The following ADCY2 variants were observed in gnomAD, a reference collection of about 807,000 sequenced individuals.
ADCY2 encodes adenylate cyclase 2.
A neutral mutation model predicts 125.2 loss-of-function variants in ADCY2; 31 were observed. The ratio of observed to expected loss-of-function variants is 0.25; its 90% confidence interval spans 0.19 to 0.33. The LOEUF (loss-of-function observed/expected upper bound fraction) is 0.33, where lower values mean the gene tolerates loss of function less well. Ranked by LOEUF, ADCY2 falls within the 10% of genes least tolerant of loss-of-function variation. ADCY2 has a pLI of 1.00. For missense variants in ADCY2, 904 were observed against 1,418.2 expected, an observed-to-expected ratio of 0.64 and a Z score of 5.82; for synonymous variants, 512 against 548.4, an observed-to-expected ratio of 0.93 and a Z score of 0.93.
chr5:7,429,038 G>C (rs1740494544), intron 2 of ADCY2, among the ~76,000 whole-genome samples: 2 of 151,530 alleles, frequency 1.3e-5, no homozygotes, highest in South Asian at 4.2e-4. Flanking sequence ...GAGAGAGAGA[G>C]CTCTAGTGAT....
In ADCY2 at chr5:7,784,606, G is replaced by A. The variant is rs1187032702; in HGVS notation, c.2469+157G>A. Among the ~76,000 whole-genome samples, 4 of 152,122 alleles carry A rather than the reference G, an allele frequency of 2.6e-5. No individual in the cohort carries two copies. In the East Asian group the frequency reaches 7.7e-4, roughly 29 times the overall value. ...ATAAAACTAGTTAGTACAGGGTGTG[G>A]ATGCTTCGATATAGACAAAAGGAAA... is the stretch of plus-strand genomic sequence containing the variant. On this transcript the variant is annotated intron_variant, in intron 19 of 24. Coordinates refer to ENST00000338316, the MANE Select transcript of ADCY2 (RefSeq NM_020546.3).
chr5:7,818,895 G>T (rs1021976889), intron 23 of ADCY2, among the ~76,000 whole-genome samples: 5 of 152,010 alleles, frequency 3.3e-5, no homozygotes, highest in African/African-American at 1.2e-4. Flanking sequence ...TGGAGGGACA[G>T]AAATAATAGG....
chr5:7,810,735 T>C (rs573060859), intron 22 of ADCY2, among the ~76,000 whole-genome samples: 1 of 152,234 alleles, frequency 6.6e-6, no homozygotes, highest in African/African-American at 2.4e-5. Flanking sequence ...AGCTGGAGCA[T>C]AGAAGCAACT....
chr5:7,701,662 C>A (rs2126337735), intron 7 of ADCY2, among the ~76,000 whole-genome samples: 1 of 152,268 alleles, frequency 6.6e-6, no homozygotes. Flanking sequence ...TTACCCCTTC[C>A]CCAGCTCCTG....
intron 1 of ADCY2, among the ~76,000 whole-genome samples, chr5:7,397,497 T>C (rs1739103869): frequency 6.9e-6 from 1 of 145,524 alleles, no homozygotes; most frequent in Non-Finnish European, 1.5e-5. Context: ...TCTGTGAATG[T>C]GTCCACTGGG....
At chr5:7,419,662 A>G (rs1740115187) in intron 2 of ADCY2, among the ~76,000 whole-genome samples, 1 of 152,148 alleles carries the variant, frequency 6.6e-6, no homozygotes, top group Non-Finnish European at 1.5e-5. Flanking sequence ...CTGGGGTCTA[A>G]GCCCCCAGAT....
chr5:7,630,607 G>A (rs1332174027), intron 4 of ADCY2, among the ~76,000 whole-genome samples: 1 of 152,046 alleles, frequency 6.6e-6, no homozygotes, highest in Non-Finnish European at 1.5e-5. Context: ...CTGAGCTAAA[G>A]TCAAGATATT....
rs147972327 is a variant in ADCY2, at chr5:7,826,859, C to A, written c.3264C>A (p.Asn1088Lys). Residue 1088 changes from asparagine (N) to lysine (K), a missense_variant, in exon 25 of 25, where the codon AAC (asparagine) becomes AAA (lysine). Physicochemically the swap from Asn to Lys is moderately conservative, Grantham distance 94. This residue lies in a region of ADCY2 where 181 missense variants were observed against 381.6 expected (regional missense o/e 0.47). Coordinates refer to ENST00000338316, the MANE Select transcript of ADCY2 (RefSeq NM_020546.3). ...TEMSRSLSQS[N>K]VAS is the part of the protein sequence containing the mutation. ...TGTCAAGGTCCCTTTCCCAGAGCAA[C>A]GTGGCATCCTGAAGAGTCACCTTCA... The A allele has an allele frequency of 6.2e-7, 1 of 1,608,656 alleles. No homozygotes were observed. Among genetic ancestry groups the A allele is most frequent in the African/African-American group, 1.3e-5 (1 of 74,816 alleles).
At chr5:7,437,410 C>T (rs1298879349) in intron 2 of ADCY2, among the ~76,000 whole-genome samples, 2 of 152,182 alleles carry the variant, frequency 1.3e-5, no homozygotes, top group Non-Finnish European at 2.9e-5. Flanking sequence ...GTGAGGAGTT[C>T]GGAGTGGAAG....
At chr5:7,795,760 T>C (rs1402164403) in intron 20 of ADCY2, 1 of 152,168 alleles carries the variant, frequency 6.6e-6, no homozygotes, top group Admixed American at 6.5e-5. Flanking sequence ...TGCAATAAAG[T>C]GAATATCACT....
rs778663075 is a variant in ADCY2, at chr5:7,626,324, A to G, written c.720+8A>G. The G allele has an allele frequency of 1.2e-6, 2 of 1,613,160 alleles. No individual in the cohort carries two copies. Among genetic ancestry groups the G allele is most frequent in the Admixed American group, 1.7e-5 (1 of 59,892 alleles). On this transcript the variant is annotated splice_region_variant and intron_variant, in intron 4 of 24. Coordinates refer to ENST00000338316, the MANE Select transcript of ADCY2 (RefSeq NM_020546.3). ...TTTGAAAAACGTCAACAGGTAATGG[A>G]TGTTTCATCTTACATCCACATTATT...
chr5:7,630,139 G>A (rs563364097), intron 4 of ADCY2, among the ~76,000 whole-genome samples: 32 of 152,198 alleles, frequency 2.1e-4, no homozygotes, highest in Admixed American at 6.5e-4. Context: ...TGGGGATTCT[G>A]GCTTTCTGGC....
chr5:7,713,649 G>A (rs1321085195), intron 11 of ADCY2, among the ~76,000 whole-genome samples: 1 of 152,166 alleles, frequency 6.6e-6, no homozygotes, highest in Non-Finnish European at 1.5e-5. Flanking sequence ...CACACGCCCT[G>A]TCGCAGCCAC....
chr5:7,408,000 C>T lies in ADCY2; in HGVS notation c.211-6573C>T, dbSNP rs530337759. 1.5e-4 allele frequency among the ~76,000 whole-genome samples: 22 copies of T among 151,546 alleles called. 1 individual carries two copies. The South Asian group carries it at 4.2e-3, about 29-fold the overall frequency. On this transcript the variant is annotated intron_variant, in intron 1 of 24. Coordinates refer to ENST00000338316, the MANE Select transcript of ADCY2 (RefSeq NM_020546.3). ...TCTTGTGCCTCAGCCTCCCGAGTAG[C>T]TGGGTTTACAGGCATGTGCCACCAT...
chr5:7,749,905 T>C (rs754473397), intron 15 of ADCY2: 5 of 152,190 alleles, frequency 3.3e-5, no homozygotes, highest in African/African-American at 1.2e-4. Context: ...TTGAAGTCTG[T>C]TTTCTTTCCT....
chr5:7,686,924 A>G (rs1004865471), intron 4 of ADCY2, among the ~76,000 whole-genome samples: 1 of 152,180 alleles, frequency 6.6e-6, no homozygotes, highest in Non-Finnish European at 1.5e-5. Context: ...ATTGCCCAGC[A>G]CTGTGATCAC....
chr5:7,413,143 G>T (rs183616478), intron 1 of ADCY2, among the ~76,000 whole-genome samples: 1 of 152,278 alleles, frequency 6.6e-6, no homozygotes, highest in Admixed American at 6.5e-5. Context: ...CCTGTGCTTC[G>T]TTGCTTGGTA....
At chr5:7,493,570 G>A (rs535069079) in intron 2 of ADCY2, among the ~76,000 whole-genome samples, 7 of 152,306 alleles carry the variant, frequency 4.6e-5, no homozygotes, top group African/African-American at 7.2e-5. Context: ...ACAATGTGGG[G>A]TTAGAGGGGG....
At chr5:7,518,757 A>G (rs78277742) in intron 2 of ADCY2, among the ~76,000 whole-genome samples, 2,991 of 152,144 alleles carry the variant, frequency 0.02, 120 homozygotes, top group African/African-American at 0.068. Context: ...GGCTGGACTC[A>G]GAAGAATTAG....
Sources: allele counts gnomAD v4.1 joint callset (sites outside exome capture counted in the v4.1 genomes callset), GRCh38; gene constraint gnomAD v4.1.1; regional missense constraint gnomAD v4.1.1; transcripts MANE v1.5; gene names NCBI Gene and HGNC (gene_info 2026-07-23, HGNC 2026-07-21).